Variants in TBC1D32 observed in about 807,000 individuals in gnomAD.
TBC1D32 encodes TBC1 domain family member 32.
A neutral mutation model predicts 170.3 loss-of-function variants in TBC1D32; 151 were observed. That is an observed-to-expected ratio of 0.89 (90% CI 0.78 to 1.01). The LOEUF (loss-of-function observed/expected upper bound fraction) is 1.01. Ranked by LOEUF, TBC1D32 falls within the 50% of genes least tolerant of loss-of-function variation. The pLI, the probability that TBC1D32 is intolerant of heterozygous loss-of-function variation, is 0.00. For synonymous variants in TBC1D32, 498 were observed against 488.0 expected, an observed-to-expected ratio of 1.02 and a Z score of -0.27; for missense variants, 1,464 against 1,457.1, an observed-to-expected ratio of 1.00 and a Z score of -0.08.
chr6:121,244,929 A>G (rs1797417579), intron 17 of TBC1D32, among the ~76,000 whole-genome samples: 1 of 152,144 alleles, frequency 6.6e-6, no homozygotes. Flanking sequence ...GGCCAACTTA[A>G]AGCAAACTTA....
At chr6:121,329,415 A>G (rs1411959211) in intron 1 of TBC1D32, among the ~76,000 whole-genome samples, 1 of 152,158 alleles carries the variant, frequency 6.6e-6, no homozygotes, top group Non-Finnish European at 1.5e-5. Flanking sequence ...TTGGAAGGCC[A>G]AGGTGGTGGG....
At chr6:121,148,627 T>A (rs1054462830) in intron 24 of TBC1D32, among the ~76,000 whole-genome samples, 1 of 152,074 alleles carries the variant, frequency 6.6e-6, no homozygotes, top group Non-Finnish European at 1.5e-5. Flanking sequence ...TATTTCTTTT[T>A]TTTTTAGATG....
intron 22 of TBC1D32, among the ~76,000 whole-genome samples, chr6:121,186,768 A>G (rs1583131025): frequency 6.6e-6 from 1 of 152,096 alleles, no homozygotes; most frequent in East Asian, 1.9e-4. Context: ...ATACCACCAA[A>G]TAAATACTGA....
intron 1 of TBC1D32, among the ~76,000 whole-genome samples, chr6:121,323,484 A>G (rs1021994458): frequency 4.6e-5 from 7 of 152,214 alleles, no homozygotes; most frequent in African/African-American, 1.7e-4. Context: ...TGCTGAATTT[A>G]TAACAATTGG....
chr6:121,254,749 T>C (rs1798749447), intron 17 of TBC1D32, among the ~76,000 whole-genome samples: 1 of 152,132 alleles, frequency 6.6e-6, no homozygotes, highest in Non-Finnish European at 1.5e-5. Context: ...CAATATTTGA[T>C]TATAAAATAA....
chr6:121,115,307 G>A, intron 26 of TBC1D32, 66 bp from the exon 27 acceptor site: 1 of 1,128,138 alleles, frequency 8.9e-7, no homozygotes, highest in Admixed American at 2.7e-5. Flanking sequence ...CATTTTAATT[G>A]AAAATTGATG....
At chr6:121,259,240 G>A (rs1458262231) in intron 15 of TBC1D32, among the ~76,000 whole-genome samples, 1 of 152,092 alleles carries the variant, frequency 6.6e-6, no homozygotes, top group African/African-American at 2.4e-5. Context: ...GGAGGTTGCA[G>A]TGAGCAGAGA....
chr6:121,309,743 C>T (rs894283707), intron 4 of TBC1D32, among the ~76,000 whole-genome samples: 7 of 152,178 alleles, frequency 4.6e-5, no homozygotes, highest in Admixed American at 3.3e-4. Context: ...TCTTAAAAAT[C>T]CTTTTTCTGG....
At chr6:121,198,261 A>T (rs28363682) in intron 22 of TBC1D32, among the ~76,000 whole-genome samples, 3 of 141,162 alleles carry the variant, frequency 2.1e-5, no homozygotes, top group Non-Finnish European at 3.0e-5. Context: ...TATATATATA[A>T]TATATATATA....
rs1345011758 is a variant in TBC1D32 at position 121,175,601 on chromosome 6, G to T, written c.2571-14545C>A. 2.0e-5 allele frequency among the ~76,000 whole-genome samples: 3 copies of T among 152,038 alleles called. No individual in the cohort carries two copies. In the South Asian group the frequency reaches 6.2e-4, roughly 32 times the overall value. On this transcript the variant is annotated intron_variant, in intron 22 of 31. Coordinates refer to ENST00000398212, the MANE Select transcript of TBC1D32 (RefSeq NM_152730.6). The stretch of plus-strand genomic sequence containing the variant: ...ACAGAAGAGAGCCATATAATCATCG[G>T]AACAGATGCTTAAAAGCTCTTTGAT...
chr6:121,174,160 T>C (rs1246028553), intron 22 of TBC1D32, among the ~76,000 whole-genome samples: 2 of 151,622 alleles, frequency 1.3e-5, no homozygotes, highest in Non-Finnish European at 2.9e-5. Flanking sequence ...GTCATAGAAA[T>C]GAAAGTATAA....
intron 2 of TBC1D32, among the ~76,000 whole-genome samples, chr6:121,321,144 T>C (rs1015428445): frequency 1.4e-4 from 21 of 152,190 alleles, no homozygotes; most frequent in African/African-American, 4.6e-4. Flanking sequence ...ATTTAGAAGT[T>C]TGGTGATGTT....
intron 15 of TBC1D32, among the ~76,000 whole-genome samples, chr6:121,259,185 C>T (rs1475376898): frequency 6.6e-6 from 1 of 151,980 alleles, no homozygotes; most frequent in African/African-American, 2.4e-5. Flanking sequence ...ATAGTCTCAG[C>T]TACTCTGGAG....
chr6:121,295,612 G>A (rs1215896289), intron 10 of TBC1D32, among the ~76,000 whole-genome samples: 1 of 151,476 alleles, frequency 6.6e-6, no homozygotes, highest in Admixed American at 6.6e-5. Flanking sequence ...GGAAGAGTTT[G>A]ACTATATAGG....
In TBC1D32 at chr6:121,204,943, G is replaced by A. The variant is rs192630146; in HGVS notation, c.2570+132C>T. On this transcript the variant is annotated intron_variant, in intron 22 of 31. Transcript: ENST00000398212. ...ATTTACTTTGTTTATAATGTTACAG[G>A]AAGACAAATTACCTTTAAGCATGCT... is the stretch of plus-strand genomic sequence containing the variant. 55 of 501,392 alleles carry A rather than the reference G, an allele frequency of 1.1e-4. No individual in the cohort carries two copies. In the East Asian group the frequency reaches 2.0e-3, roughly 18 times the overall value. 31.1% of individuals were successfully genotyped at this position (501,392 alleles called of 1,614,324 possible). A position where few individuals can be genotyped will look rare whatever the true frequency, so the allele number is the denominator to read the frequency against.
At chr6:121,236,280 C>T (rs1796320562) in intron 20 of TBC1D32, among the ~76,000 whole-genome samples, 1 of 151,974 alleles carries the variant, frequency 6.6e-6, no homozygotes, top group Non-Finnish European at 1.5e-5. Flanking sequence ...TAACCACTAG[C>T]TACATGTGCT....
intron 17 of TBC1D32, among the ~76,000 whole-genome samples, chr6:121,253,972 A>G (rs1798635722): frequency 6.6e-6 from 1 of 152,138 alleles, no homozygotes; most frequent in Non-Finnish European, 1.5e-5. Flanking sequence ...AATTGCAAAG[A>G]TATGAAACCA....
At chr6:121,306,655 G>C (rs1583671331) in intron 5 of TBC1D32, among the ~76,000 whole-genome samples, 1 of 152,152 alleles carries the variant, frequency 6.6e-6, no homozygotes, top group Non-Finnish European at 1.5e-5. Context: ...GCAATTCTTG[G>C]ATAATCAGGG....
intron 24 of TBC1D32, 136 bp from the exon 25 acceptor site, chr6:121,131,888 G>A: frequency 1.8e-6 from 1 of 571,082 alleles, no homozygotes; most frequent in Non-Finnish European, 2.9e-6. Context: ...ATATTCTTCT[G>A]TAATTACATC....
Sources: gnomAD v4.1 joint callset for allele counts (sites outside exome capture counted in the v4.1 genomes callset) on GRCh38, gnomAD v4.1.1 for gene constraint, MANE v1.5 for transcripts, NCBI Gene and HGNC (gene_info 2026-07-23, HGNC 2026-07-21) for gene names.